The following NRROS variants were observed in gnomAD, a reference collection of about 807,000 sequenced individuals.
The protein encoded by NRROS is negative regulator of reactive oxygen species, also known as transforming growth factor beta activator LRRC33.
In NRROS, 6 loss-of-function variants were observed where a neutral mutation model predicts 12.0. The ratio of observed to expected loss-of-function variants is 0.50; its 90% confidence interval spans 0.27 to 0.98. NRROS has a LOEUF of 0.98. Among genes scored for constraint, NRROS ranks in the 50% least tolerant of loss-of-function variants. NRROS has a pLI of 0.11. For missense variants in NRROS, 857 were observed against 888.2 expected, an observed-to-expected ratio of 0.96 and a Z score of 0.45; for synonymous variants, 462 against 410.2, an observed-to-expected ratio of 1.13 and a Z score of -1.53.
chr3:196,658,839 ATGT>A (rs1737594144), intron 2 of NRROS, among the ~76,000 whole-genome samples: 1 of 151,868 alleles, frequency 6.6e-6, no homozygotes, highest in Non-Finnish European at 1.5e-5. Flanking sequence ...GCGTGGTGGC[ATGT>A]GCCTGTAATC....
chr3:196,649,307 C>T (rs1737366880), intron 1 of NRROS, among the ~76,000 whole-genome samples: 1 of 152,142 alleles, frequency 6.6e-6, no homozygotes, highest in African/African-American at 2.4e-5. Context: ...GGTGCAATTG[C>T]TCTTTTTCTT....
Position 196,654,498 on chromosome 3 carries a change from CT to C in NRROS, c.-13-27del. 7.4e-7 allele frequency: 1 copy of C among 1,342,978 alleles called. No individual in the cohort carries two copies. Among genetic ancestry groups the C allele is most frequent in the Non-Finnish European group, 1.1e-6 (1 of 932,164 alleles). The allele number at this position is 1,342,978 out of a possible 1,614,324, so 83.2% of individuals were successfully genotyped here. A position where few individuals can be genotyped will look rare whatever the true frequency, so the allele number is the denominator to read the frequency against. The stretch of plus-strand genomic sequence containing the variant: ...AGCCCTCTGGGATGTCCTTCTCTGA[CT>C]TACCTCTTCCCTGCTCTCTGTCCAC... On this transcript the variant is annotated intron_variant, in intron 1 of 2. Coordinates refer to ENST00000328557, the MANE Select transcript of NRROS (RefSeq NM_198565.3). The surrounding 1 kb of genome is among the most constrained non-coding windows in gnomAD (Gnocchi z 4.4).
rs200426405 is a variant in NRROS at position 196,660,512 on chromosome 3, T to G, written c.869T>G (p.Leu290Arg). The G allele has an allele frequency of 8.2e-5, 132 of 1,613,992 alleles. No homozygotes were observed. Among genetic ancestry groups the G allele is most frequent in the South Asian group, 1.5e-4 (14 of 91,090 alleles). The change falls in exon 3 of 3, where the codon CTG (leucine) becomes CGG (arginine). Residue 290 changes from leucine to arginine, a missense_variant. Leu to Arg is a moderately radical substitution (Grantham distance 102, BLOSUM62 -2). Coordinates refer to ENST00000328557, the MANE Select transcript of NRROS (RefSeq NM_198565.3). This position sits in a 1 kb window ranked among gnomAD's most constrained non-coding sequence, Gnocchi z 7.7. ...RDNNMGFYRD[L>R]YNTSSPREMV... is the part of the protein sequence containing the mutation. ...AACAACATGGGCTTCTACCGGGACC[T>G]GTACAACACCTCGTCGCCGAGGGAG...
chr3:196,661,292 C>T lies in NRROS; in HGVS notation c.1649C>T (p.Thr550Ile), dbSNP rs2108644361. The change falls in exon 3 of 3, where the codon ACC becomes ATC. Residue 550 changes from threonine to isoleucine, a missense_variant. Thr to Ile is a moderately conservative substitution (Grantham distance 89). Coordinates refer to ENST00000328557, the MANE Select transcript of NRROS (RefSeq NM_198565.3). ...GATCTGTCGGGGAATTGCTTGACCA[C>T]CTTCCCAAGGTTTGGGGGCAGCCTG... ...DLDLSGNCLT[T>I]FPRFGGSLAL... The T allele has an allele frequency of 1.9e-6, 3 of 1,611,608 alleles. No homozygotes were observed. Among genetic ancestry groups the T allele is most frequent in the Non-Finnish European group, 2.5e-6 (3 of 1,178,702 alleles).
At chr3:196,653,266 CCTGGCCTGAAGTGAAAG>C (rs947699080) in intron 1 of NRROS, among the ~76,000 whole-genome samples, 20 of 152,264 alleles carry the variant, frequency 1.3e-4, no homozygotes, top group African/African-American at 4.6e-4. Flanking sequence ...GGGGAGTTGG[CCTGGCCTGAAGTGAAAG>C]CTGGCTTACC....
chr3:196,647,568 T>C (rs1560340341), intron 1 of NRROS, among the ~76,000 whole-genome samples: 1 of 152,248 alleles, frequency 6.6e-6, no homozygotes, highest in Non-Finnish European at 1.5e-5. Context: ...TGCTTTTTGC[T>C]TATTTTTTGA....
At position 196,648,962 on chromosome 3, in the gene NRROS, T is replaced by C. The variant is rs541616885; in HGVS notation, c.-13-5565T>C. Among the ~76,000 whole-genome samples, 289 of 152,158 alleles carry C rather than the reference T, an allele frequency of 1.9e-3. 1 individual carries two copies. The highest frequency in any genetic ancestry group is 6.6e-3 in the African/African-American group (276 of 41,506). ...CAGGACGTCTTACAGCCCAGATCTG[T>C]CAGAGGCTTTCCTCATGACTGGATT... On this transcript the variant is annotated intron_variant, in intron 1 of 2. Transcript: ENST00000328557.
At chr3:196,659,662 A>G in intron 2 of NRROS, 90 bp from the exon 3 acceptor site, 2 of 1,322,846 alleles carry the variant, frequency 1.5e-6, no homozygotes, top group African/African-American at 1.5e-5. Flanking sequence ...CGGCGGTTGC[A>G]GGGACAGTCT....
At chr3:196,653,932 C>T (rs549707996) in intron 1 of NRROS, among the ~76,000 whole-genome samples, 12 of 152,308 alleles carry the variant, frequency 7.9e-5, no homozygotes, top group African/African-American at 2.2e-4. Flanking sequence ...ATTTTCCCTC[C>T]GTGTTTCCCC....
chr3:196,646,419 TACCACCAGCC>T (rs1737312813), intron 1 of NRROS, among the ~76,000 whole-genome samples: 1 of 152,214 alleles, frequency 6.6e-6, no homozygotes, highest in Non-Finnish European at 1.5e-5. Flanking sequence ...ACCGAGGACC[TACCACCAGCC>T]ACCACCAGCA....
intron 2 of NRROS, among the ~76,000 whole-genome samples, chr3:196,656,744 G>A (rs1055210303): frequency 6.6e-6 from 1 of 152,088 alleles, no homozygotes; most frequent in African/African-American, 2.4e-5. Context: ...TTCAGGCAAG[G>A]CCCTCTGCTT....
At chr3:196,645,582 G>T in intron 1 of NRROS, among the ~76,000 whole-genome samples, 1 of 152,184 alleles carries the variant, frequency 6.6e-6, no homozygotes. Flanking sequence ...AGCCCGGACA[G>T]AATCTGGGAG....
chr3:196,659,646 C>A, intron 2 of NRROS, 106 bp from the exon 3 acceptor site: 4 of 1,143,222 alleles, frequency 3.5e-6, no homozygotes, highest in Non-Finnish European at 3.7e-6. Context: ...TCTCTAGAGC[C>A]ATCCCCGGCG....
At chr3:196,657,147 T>C (rs1352171319) in intron 2 of NRROS, among the ~76,000 whole-genome samples, 3 of 148,398 alleles carry the variant, frequency 2.0e-5, no homozygotes, top group African/African-American at 2.5e-5. Flanking sequence ...GAGGTTGCAG[T>C]GAGCTGAGAT....
chr3:196,661,628 C>T lies in NRROS; in HGVS notation c.1985C>T (p.Thr662Ile), dbSNP rs757007672. The T allele has an allele frequency of 6.2e-7, 1 of 1,612,356 alleles. No individual in the cohort carries two copies. The highest frequency in any genetic ancestry group is 8.5e-7 in the Non-Finnish European group (1 of 1,179,914). Residue 662 changes from threonine to isoleucine, a missense_variant, in exon 3 of 3, where the codon ACC becomes ATC. Thr to Ile is a moderately conservative substitution (Grantham distance 89). Coordinates refer to ENST00000328557, the MANE Select transcript of NRROS (RefSeq NM_198565.3). Reference protein sequence around the residue: ...YLVLILPSCLTLLVACTVIVL... With the variant: ...YLVLILPSCLILLVACTVIVL... ...GTGCTCATCCTCCCCAGCTGCCTCACCCTGCTGGTGGCCTGCACTGTCATC... is the reference window on the plus strand; with the variant it reads ...GTGCTCATCCTCCCCAGCTGCCTCATCCTGCTGGTGGCCTGCACTGTCATC...
intron 2 of NRROS, among the ~76,000 whole-genome samples, chr3:196,656,219 A>G (rs1264744034): frequency 6.6e-6 from 1 of 152,244 alleles, no homozygotes; most frequent in Non-Finnish European, 1.5e-5. Context: ...CTTGAGCCAT[A>G]TTATATACTA....
At chr3:196,650,491 G>A (rs1484243565) in intron 1 of NRROS, among the ~76,000 whole-genome samples, 2 of 151,974 alleles carry the variant, frequency 1.3e-5, no homozygotes, top group African/African-American at 4.8e-5. Flanking sequence ...CCTTGCTCAG[G>A]CTGGTCTCGA....
chr3:196,661,855 C>A lies in NRROS; in HGVS notation c.*133C>A. On this transcript the variant is annotated 3_prime_UTR_variant, in exon 3 of 3. Coordinates refer to ENST00000328557, the MANE Select transcript of NRROS (RefSeq NM_198565.3). ...AATTAAAATTTAATATGTTTCCATT[C>A]CTCATCGCCCACCCCACCCCCGCCC... 2.8e-6 allele frequency: 2 copies of A among 718,684 alleles called. No individual in the cohort carries two copies. Among genetic ancestry groups the A allele is most frequent in the Non-Finnish European group, 4.2e-6 (2 of 472,860 alleles). 44.5% of individuals were successfully genotyped at this position (718,684 alleles called of 1,614,324 possible).
At chr3:196,650,050 G>C (rs1458055652) in intron 1 of NRROS, among the ~76,000 whole-genome samples, 2 of 152,170 alleles carry the variant, frequency 1.3e-5, no homozygotes, top group African/African-American at 4.8e-5. Context: ...CTCTGGCCGG[G>C]ATAACAATTC....
Sources: gnomAD v4.1 joint callset for allele counts (sites outside exome capture counted in the v4.1 genomes callset) on GRCh38, gnomAD v4.1.1 for gene constraint, Gnocchi (gnomAD v3.1) non-coding constraint, MANE v1.5 for transcripts, NCBI Gene and HGNC (gene_info 2026-07-23, HGNC 2026-07-21) for gene names.